The following TCF7L2 variants were observed in gnomAD, a reference collection of about 807,000 sequenced individuals.
TCF7L2 encodes the protein transcription factor 7 like 2.
In TCF7L2, 23 loss-of-function variants were observed where a neutral mutation model predicts 77.9. The ratio of observed to expected loss-of-function variants is 0.30; its 90% CI spans 0.21 to 0.42. TCF7L2 has a LOEUF of 0.42. TCF7L2 is among the 10% of genes least tolerant of loss of function. The pLI is 1.00. For missense variants in TCF7L2, 654 were observed against 793.1 expected, an observed-to-expected ratio of 0.82 and a Z score of 2.11; for synonymous variants, 413 against 340.2, an observed-to-expected ratio of 1.21 and a Z score of -2.36.
At chr10:113,142,435 A>G (rs1237585986) in intron 6 of TCF7L2, among the ~76,000 whole-genome samples, 1 of 152,190 alleles carries the variant, frequency 6.6e-6, no homozygotes, top group Admixed American at 6.5e-5. Flanking sequence ...TGGTCTTGGG[A>G]GAACAGGTAA....
At chr10:113,049,369 G>A (rs148198829) in intron 5 of TCF7L2, among the ~76,000 whole-genome samples, 305 of 152,004 alleles carry the variant, frequency 2.0e-3, no homozygotes, top group African/African-American at 6.9e-3. Flanking sequence ...CATTACTTAG[G>A]CCTCAAACCT....
At chr10:113,118,662 TTGTTTTTTTTTTTTTG>T (rs2064258688) in intron 5 of TCF7L2, among the ~76,000 whole-genome samples, 1 of 21,058 alleles carries the variant, frequency 4.7e-5, no homozygotes, top group African/African-American at 3.2e-4. Context: ...TTGTTTTTTT[TTGTTTTTTTTTTTTTG>T]TTTTTTTTAT....
chr10:113,024,700 A>G (rs2048834826), intron 4 of TCF7L2, among the ~76,000 whole-genome samples: 1 of 146,388 alleles, frequency 6.8e-6, no homozygotes, highest in Non-Finnish European at 1.5e-5. Context: ...GCTCACTGCA[A>G]CCTCTACCTC....
chr10:112,996,620 C>T (rs568783451), intron 4 of TCF7L2, among the ~76,000 whole-genome samples: 4 of 152,292 alleles, frequency 2.6e-5, no homozygotes, highest in South Asian at 4.1e-4. Flanking sequence ...TACCTTCTCT[C>T]TCCTAAGCTG....
At chr10:113,088,921 T>C (rs2060098410) in intron 5 of TCF7L2, among the ~76,000 whole-genome samples, 1 of 147,870 alleles carries the variant, frequency 6.8e-6, no homozygotes, top group South Asian at 2.1e-4. Context: ...CCGGGCAACA[T>C]AGCAAGACCC....
At chr10:112,966,804 A>C (rs751076791) in intron 4 of TCF7L2, among the ~76,000 whole-genome samples, 8 of 152,310 alleles carry the variant, frequency 5.3e-5, no homozygotes, top group Non-Finnish European at 1.0e-4. Flanking sequence ...GATGGAGTAA[A>C]TTACAGAGCT....
chr10:112,974,156 T>C (rs2038898546), intron 4 of TCF7L2, among the ~76,000 whole-genome samples: 2 of 152,266 alleles, frequency 1.3e-5, no homozygotes, highest in Admixed American at 6.5e-5. Flanking sequence ...TAAAACAATC[T>C]AGTTTTACCG....
chr10:112,993,824 A>C (rs866780809), intron 4 of TCF7L2, among the ~76,000 whole-genome samples: 9 of 152,294 alleles, frequency 5.9e-5, no homozygotes, highest in East Asian at 1.9e-4. Flanking sequence ...TGGGAGGCCA[A>C]GGCGGGCGGA....
intron 3 of TCF7L2, among the ~76,000 whole-genome samples, chr10:112,963,014 T>G (rs140025887): frequency 6.6e-6 from 1 of 152,132 alleles, no homozygotes; most frequent in Non-Finnish European, 1.5e-5. Context: ...AGGTATAGGG[T>G]TTTTTTCCCA....
chr10:113,129,320 T>C (rs1335482088), intron 5 of TCF7L2: 1 of 986,464 alleles, frequency 1.0e-6, no homozygotes, highest in African/African-American at 1.7e-5. Context: ...CCCTCATGGC[T>C]GACCGTAATT....
At chr10:113,039,212 A>C (rs907794322) in intron 4 of TCF7L2, among the ~76,000 whole-genome samples, 5 of 152,240 alleles carry the variant, frequency 3.3e-5, no homozygotes, top group African/African-American at 1.2e-4. Flanking sequence ...AAAATGAGGA[A>C]CTGGGTCAAC....
intron 5 of TCF7L2, among the ~76,000 whole-genome samples, chr10:113,079,957 G>T (rs12768310): frequency 6.6e-6 from 1 of 151,608 alleles, no homozygotes; most frequent in Non-Finnish European, 1.5e-5. Context: ...GTGCCTGATC[G>T]CCATCCTTTT....
chr10:112,954,701 T>A (rs911412756), intron 3 of TCF7L2, among the ~76,000 whole-genome samples: 1 of 152,230 alleles, frequency 6.6e-6, no homozygotes, highest in Non-Finnish European at 1.5e-5. Flanking sequence ...AAAAGTAGTT[T>A]TACATTTCTT....
chr10:113,030,079 C>T (rs1471157647), intron 4 of TCF7L2, among the ~76,000 whole-genome samples: 3 of 152,162 alleles, frequency 2.0e-5, no homozygotes, highest in Admixed American at 6.5e-5. Context: ...AGTCTCTACC[C>T]GCCTTCCCCA....
chr10:113,000,429 A>G (rs2044265091), intron 4 of TCF7L2, among the ~76,000 whole-genome samples: 1 of 152,232 alleles, frequency 6.6e-6, no homozygotes, highest in Non-Finnish European at 1.5e-5. Flanking sequence ...GTACAGTTGT[A>G]CAACTGGTAG....
chr10:112,985,860 T>TTGTG (rs61481377), intron 4 of TCF7L2, among the ~76,000 whole-genome samples: 4,197 of 146,674 alleles, frequency 0.029, 94 homozygotes, highest in African/African-American at 0.066. Context: ...AGCCTGTAGT[T>TTGTG]TGTGTGTGTG....
rs2137653937 is a variant in TCF7L2, at chr10:113,165,809, C to T, written c.1646C>T (p.Ala549Val). The change falls in exon 14 of 14, where the codon GCC (alanine) becomes GTC (valine). Residue 549 changes from alanine to valine, a missense_variant. By Grantham distance (64) the Ala-to-Val change is moderately conservative. Around this residue, in one of 6 missense-constraint regions of TCF7L2, gnomAD observed 272 missense variants for 215.4 expected, o/e 1.26. Coordinates refer to ENST00000627217, the MANE Select transcript of TCF7L2 (RefSeq NM_001146274.2). ...GCTGAGGCCACCCACAAGGCCTCCG[C>T]CCTCTGTCCCAACGGGGCCCTGGAC... 15 of 1,604,566 alleles carry T rather than the reference C, an allele frequency of 9.3e-6. No homozygotes were observed. The highest frequency in any genetic ancestry group is 1.3e-5 in the Non-Finnish European group (15 of 1,174,604).
At chr10:113,042,957 C>T (rs1245231756) in intron 5 of TCF7L2, among the ~76,000 whole-genome samples, 1 of 152,186 alleles carries the variant, frequency 6.6e-6, no homozygotes, top group African/African-American at 2.4e-5. Context: ...TCTCCAGACA[C>T]TTGGGGCTCT....
intron 5 of TCF7L2, among the ~76,000 whole-genome samples, chr10:113,041,071 A>G (rs1412060560): frequency 6.6e-6 from 1 of 152,232 alleles, no homozygotes; most frequent in East Asian, 1.9e-4. Context: ...TAAGTAGAAA[A>G]ATCTTAAGAT....
Sources: allele counts gnomAD v4.1 joint callset (sites outside exome capture counted in the v4.1 genomes callset), GRCh38; gene constraint gnomAD v4.1.1; regional missense constraint gnomAD v4.1.1; transcripts MANE v1.5; gene names NCBI Gene and HGNC (gene_info 2026-07-23, HGNC 2026-07-21).